Variants in SIM2 observed in about 807,000 individuals in gnomAD.
SIM2 encodes SIM bHLH transcription factor 2, also known as single-minded homolog 2.
Under a neutral mutation model 64.8 loss-of-function variants are expected in SIM2, and 28 were observed. The observed-to-expected ratio is 0.43, with a 90% CI of 0.32 to 0.59. SIM2 has a LOEUF of 0.59. SIM2 is among the 20% of genes least tolerant of loss of function. SIM2 has a pLI of 0.07. For synonymous variants in SIM2, 408 were observed against 391.1 expected (o/e 1.04, Z -0.51); for missense variants, 847 against 871.4 (o/e 0.97, Z 0.35).
At chr21:36,744,117 A>C (rs2089197656) in intron 9 of SIM2, among the ~76,000 whole-genome samples, 1 of 152,052 alleles carries the variant, frequency 6.6e-6, no homozygotes, top group Non-Finnish European at 1.5e-5. Flanking sequence ...CTGTAGTCCC[A>C]GCTACTCAGG....
At chr21:36,709,029 G>A (rs890208349) in intron 1 of SIM2, 139 bp from the exon 2 acceptor site, 13 of 677,940 alleles carry the variant, frequency 1.9e-5, no homozygotes, top group Admixed American at 1.2e-4. Context: ...GGCGGCTGCG[G>A]AGCCGGGGAG....
Position 36,747,707 on chromosome 21 carries a change from C to A in SIM2, c.1619C>A (p.Pro540His). The A allele has an allele frequency of 1.6e-6, 2 of 1,281,638 alleles. No individual in the cohort carries two copies. The highest frequency in any genetic ancestry group is 2.4e-5 in the South Asian group (1 of 41,364). 79.4% of individuals were successfully genotyped at this position (1,281,638 alleles called of 1,614,324 possible). A position where few individuals can be genotyped will look rare whatever the true frequency, so the allele number is the denominator to read the frequency against. The change falls in exon 11 of 11, where the codon CCC becomes CAC. Residue 540 changes from proline to histidine, a missense_variant. Pro to His is a moderately conservative substitution (Grantham distance 77). This residue lies in a region of SIM2 where 447 missense variants were observed against 414.6 expected (regional missense o/e 1.08). Coordinates refer to ENST00000290399, the MANE Select transcript of SIM2 (RefSeq NM_005069.6). The surrounding 1 kb of genome is among the most constrained non-coding windows in gnomAD (Gnocchi z 4.5). ...AVRRFGEDTA[P>H]PSFPSCGHYR... ...CGCAGGTTCGGCGAGGACACCGCGCCCCCGAGCTTCCCGAGCTGCGGCCAC... is the reference window on the plus strand; with the variant it reads ...CGCAGGTTCGGCGAGGACACCGCGCACCCGAGCTTCCCGAGCTGCGGCCAC...
rs1433696054 is a variant in SIM2, at chr21:36,726,267, T to C, written c.692T>C (p.Met231Thr). The change falls in exon 6 of 11, where the codon ATG becomes ACG. Residue 231 changes from methionine to threonine, a missense_variant. Coordinates refer to ENST00000290399, the MANE Select transcript of SIM2 (RefSeq NM_005069.6). The surrounding 1 kb of genome is among the most constrained non-coding windows in gnomAD (Gnocchi z 4.5). ...AITEIKLYSN[M>T]FMFRASLDLK... ...ACCGAGATCAAGCTGTACAGTAACA[T>C]GTTCATGTTCAGGGCCAGCCTTGAC... The C allele has an allele frequency of 2.5e-6, 4 of 1,613,590 alleles. No individual in the cohort carries two copies. The highest frequency in any genetic ancestry group is 1.6e-4 in the Middle Eastern group (1 of 6,082).
At chr21:36,733,636 T>G (rs1236209546) in intron 7 of SIM2, among the ~76,000 whole-genome samples, 1 of 150,088 alleles carries the variant, frequency 6.7e-6, no homozygotes, top group East Asian at 2.0e-4. Flanking sequence ...CTCGGCTCAC[T>G]GCAAGCTCCT....
chr21:36,709,276 G>T (rs1349826601), intron 2 of SIM2, 26 bp downstream of exon 2: 2 of 1,547,624 alleles, frequency 1.3e-6, no homozygotes, highest in Non-Finnish European at 1.8e-6. Context: ...CGGGGGAGGA[G>T]CGCAGCCGCC....
rs939735144 is a variant in SIM2 at position 36,726,014 on chromosome 21, C to A, written c.544-105C>A. Reference sequence around the variant, plus strand: ...ATTGGGCCGCACAGTGGAGTAGAGGCTGGGCTGGGAGATATTCTAGCATGT... The same window carrying A: ...ATTGGGCCGCACAGTGGAGTAGAGGATGGGCTGGGAGATATTCTAGCATGT... On this transcript the variant is annotated intron_variant, in intron 5 of 10. Transcript: ENST00000290399. This position sits in a 1 kb window ranked among gnomAD's most constrained non-coding sequence, Gnocchi z 4.5. The A allele has an allele frequency of 7.6e-6, 7 of 918,416 alleles. No individual in the cohort carries two copies. The African/African-American group carries it at 9.7e-5, about 13-fold the overall frequency. 56.9% of individuals were successfully genotyped at this position (918,416 alleles called of 1,614,324 possible).
rs554829491 is a variant in SIM2 at position 36,725,404 on chromosome 21, G to C, written c.544-715G>C. ...CTGGTACAGCGTGTCGAGTGATACA[G>C]ATGCCAAGTTCAATCCCATTGGAAG... On this transcript the variant is annotated intron_variant, in intron 5 of 10. Coordinates refer to ENST00000290399, the MANE Select transcript of SIM2 (RefSeq NM_005069.6). 1.2e-4 allele frequency among the ~76,000 whole-genome samples: 18 copies of C among 152,298 alleles called. No homozygotes were observed. In the East Asian group the frequency reaches 3.3e-3, roughly 28 times the overall value.
In SIM2 at chr21:36,747,667, C is replaced by A; in HGVS notation, c.1579C>A (p.Pro527Thr). 8.0e-7 allele frequency: 1 copy of A among 1,254,820 alleles called. No individual in the cohort carries two copies. The highest frequency in any genetic ancestry group is 1.0e-6 in the Non-Finnish European group (1 of 1,000,294). The allele number at this position is 1,254,820 out of a possible 1,614,324, so 77.7% of individuals were successfully genotyped here. The change falls in exon 11 of 11, where the codon CCC becomes ACC. Residue 527 changes from proline (P) to threonine (T), a missense_variant and splice_region_variant. Transcript: ENST00000290399. The surrounding 1 kb of genome is among the most constrained non-coding windows in gnomAD (Gnocchi z 4.5). ...RHSLVPSYEA[P>T]AAAVRRFGED... The stretch of plus-strand genomic sequence containing the variant: ...TAACGTGTCGCCTGTCCCCGCAGCG[C>A]CCGCCGCCGCCGTGCGCAGGTTCGG...
At position 36,731,119 on chromosome 21, in the gene SIM2, A is replaced by G; in HGVS notation, c.818A>G (p.Asp273Gly). 6.2e-7 allele frequency: 1 copy of G among 1,614,000 alleles called. No individual in the cohort carries two copies. The highest frequency in any genetic ancestry group is 1.1e-5 in the South Asian group (1 of 91,074). ...CTATACCATCACGTGCACGGCTGCG[A>G]CGTGTTCCACCTCCGCTACGCACAC... ...KTLYHHVHGC[D>G]VFHLRYAHHL... The change falls in exon 7 of 11, where the codon GAC becomes GGC. Residue 273 changes from aspartate (D) to glycine (G), a missense_variant. This residue lies in a region of SIM2 where 397 missense variants were observed against 439.2 expected (regional missense o/e 0.90). Coordinates refer to ENST00000290399, the MANE Select transcript of SIM2 (RefSeq NM_005069.6).
intron 1 of SIM2, among the ~76,000 whole-genome samples, chr21:36,700,428 T>C (rs1416993882): frequency 2.0e-5 from 3 of 151,882 alleles, no homozygotes; most frequent in Admixed American, 1.3e-4. Context: ...CATTGGTTTG[T>C]TTTCTTTCCT....
At chr21:36,705,110 C>T (rs1180886369) in intron 1 of SIM2, among the ~76,000 whole-genome samples, 3 of 152,224 alleles carry the variant, frequency 2.0e-5, no homozygotes, top group African/African-American at 7.2e-5. Context: ...CTGGTGTTCC[C>T]AAGGGAGCCC....
chr21:36,722,654 G>A (rs2088838371), intron 4 of SIM2, among the ~76,000 whole-genome samples: 1 of 152,194 alleles, frequency 6.6e-6, no homozygotes, highest in Admixed American at 6.5e-5. Flanking sequence ...AAATGAGGGT[G>A]AAAGCATGGA....
intron 3 of SIM2, among the ~76,000 whole-genome samples, chr21:36,717,058 C>T (rs2088757224): frequency 6.6e-6 from 1 of 152,130 alleles, no homozygotes; most frequent in Non-Finnish European, 1.5e-5. Flanking sequence ...TGGAGTTTTC[C>T]CGTTCGTTTT....
chr21:36,718,576 A>C (rs1345819994), intron 3 of SIM2, among the ~76,000 whole-genome samples: 1 of 152,150 alleles, frequency 6.6e-6, no homozygotes, highest in Non-Finnish European at 1.5e-5. Context: ...GACCTACCCA[A>C]GATCCTTCGC....
At chr21:36,704,867 T>C (rs1035206562) in intron 1 of SIM2, among the ~76,000 whole-genome samples, 1 of 152,024 alleles carries the variant, frequency 6.6e-6, no homozygotes, top group Non-Finnish European at 1.5e-5. Flanking sequence ...CGGTCCCCAG[T>C]TTGGAAAAAG....
At chr21:36,709,592 TGCCAGGCGCCAGG>T in intron 2 of SIM2, 1 of 432,460 alleles carries the variant, frequency 2.3e-6, no homozygotes, top group African/African-American at 2.0e-5. Flanking sequence ...GCTTGCTCTG[TGCCAGGCGCCAGG>T]GCTGGAGCAG....
At chr21:36,725,188 A>C (rs2850098) in intron 5 of SIM2, among the ~76,000 whole-genome samples, 14,758 of 151,960 alleles carry the variant, frequency 0.097, 1,466 homozygotes, top group African/African-American at 0.26. Flanking sequence ...TCTACAAAAA[A>C]TTTTTTAAAA....
chr21:36,705,926 C>T (rs903405241), intron 1 of SIM2, among the ~76,000 whole-genome samples: 2 of 152,246 alleles, frequency 1.3e-5, no homozygotes, highest in Non-Finnish European at 2.9e-5. Context: ...GTGTCCTGGG[C>T]TGGACCCACA....
At chr21:36,740,510 T>C (rs2089146966) in intron 7 of SIM2, among the ~76,000 whole-genome samples, 1 of 152,218 alleles carries the variant, frequency 6.6e-6, no homozygotes, top group Non-Finnish European at 1.5e-5. Flanking sequence ...GAACCCCCTA[T>C]ATATTAAGGT....
Sources: allele counts gnomAD v4.1 joint callset (sites outside exome capture counted in the v4.1 genomes callset), GRCh38; gene constraint gnomAD v4.1.1; regional missense constraint gnomAD v4.1.1; non-coding constraint Gnocchi (gnomAD v3.1); transcripts MANE v1.5; gene names NCBI Gene and HGNC (gene_info 2026-07-23, HGNC 2026-07-21).